The following NME7 variants were observed in gnomAD, a reference collection of about 807,000 sequenced individuals.
The protein encoded by NME7 is NME/NM23 family member 7.
In NME7, 41 loss-of-function variants were observed where a neutral mutation model predicts 49.1. That is an observed-to-expected ratio of 0.83 (90% CI 0.65 to 1.08). The LOEUF (loss-of-function observed/expected upper bound fraction) is 1.08, where lower values mean the gene tolerates loss of function less well. Ranked by LOEUF, NME7 falls within the 50% of genes least tolerant of loss-of-function variation. NME7 has a pLI of 0.00. For missense variants in NME7, 423 were observed against 463.4 expected (o/e 0.91, Z 0.80); for synonymous variants, 139 against 150.6 (o/e 0.92, Z 0.56).
chr1:169,231,911 T>C (rs548317205), intron 9 of NME7, among the ~76,000 whole-genome samples: 1 of 151,446 alleles, frequency 6.6e-6, no homozygotes, highest in African/African-American at 2.4e-5. Flanking sequence ...ATCTACCATG[T>C]AACAATGTAA....
chr1:169,309,874 G>T lies in NME7; in HGVS notation c.389+96C>A, dbSNP rs575361175. On this transcript the variant is annotated intron_variant, in intron 4 of 11. Transcript: ENST00000367811. ...TATTCTATTCTTTGTCATTCAATAC[G>T]AGGTTTTTTAATTTTAAACAATGAC... is the stretch of plus-strand genomic sequence containing the variant. 5 of 720,058 alleles carry T rather than the reference G, an allele frequency of 6.9e-6. No individual in the cohort carries two copies. In the East Asian group the frequency reaches 1.4e-4, roughly 21 times the overall value. The allele number at this position is 720,058 out of a possible 1,614,324, so 44.6% of individuals were successfully genotyped here.
intron 7 of NME7, among the ~76,000 whole-genome samples, chr1:169,251,627 G>T: frequency 2.2e-5 from 3 of 133,986 alleles, no homozygotes; most frequent in Admixed American, 8.1e-5. Context: ...AGTTACATAT[G>T]TATACATGTG....
At chr1:169,364,345 C>CT (rs1156906227) in intron 1 of NME7, among the ~76,000 whole-genome samples, 4 of 139,410 alleles carry the variant, frequency 2.9e-5, no homozygotes, top group Non-Finnish European at 6.3e-5. Flanking sequence ...ACCTCTTTTT[C>CT]TTTTTTTCTT....
At chr1:169,302,632 G>A (rs964898639) in intron 5 of NME7, among the ~76,000 whole-genome samples, 1 of 152,120 alleles carries the variant, frequency 6.6e-6, no homozygotes, top group Non-Finnish European at 1.5e-5. Context: ...AGGGAAGGGA[G>A]CAAGGGTTGA....
chr1:169,245,530 A>T (rs571413482), intron 7 of NME7, among the ~76,000 whole-genome samples: 1 of 152,362 alleles, frequency 6.6e-6, no homozygotes, highest in South Asian at 2.1e-4. Flanking sequence ...CTTGCAGTTT[A>T]TTTTGGAAAG....
intron 3 of NME7, among the ~76,000 whole-genome samples, chr1:169,318,664 A>G (rs1254979206): frequency 6.6e-6 from 1 of 152,200 alleles, no homozygotes; most frequent in Non-Finnish European, 1.5e-5. Context: ...AACGTTCAGG[A>G]AAAAGCTTAA....
At chr1:169,184,628 T>C (rs1660019044) in intron 10 of NME7, among the ~76,000 whole-genome samples, 1 of 152,224 alleles carries the variant, frequency 6.6e-6, no homozygotes, top group African/African-American at 2.4e-5. Context: ...TTTGTTGATC[T>C]CATTTGTTAA....
intron 11 of NME7, among the ~76,000 whole-genome samples, chr1:169,143,273 C>CTTTTTTTTTTTTTT (rs71299493): frequency 3.1e-5 from 3 of 98,178 alleles, no homozygotes; most frequent in Non-Finnish European, 6.3e-5. Flanking sequence ...TCACCTCAGG[C>CTTTTTTTTTTTTTT]TTTTTTTTTT....
chr1:169,276,884 T>C (rs1286323046), intron 7 of NME7, among the ~76,000 whole-genome samples: 1 of 148,878 alleles, frequency 6.7e-6, no homozygotes, highest in Non-Finnish European at 1.5e-5. Context: ...TCTGGTATGT[T>C]GTCTCTTTGT....
chr1:169,254,628 C>A (rs1267267292), intron 7 of NME7, among the ~76,000 whole-genome samples: 1 of 148,426 alleles, frequency 6.7e-6, no homozygotes, highest in Admixed American at 6.7e-5. Context: ...TTTGCTCTTG[C>A]TTTTCTAGTT....
At position 169,273,924 on chromosome 1, in the gene NME7, G is replaced by A. The variant is rs1362209766; in HGVS notation, c.754+13379C>T. 7.3e-4 allele frequency among the ~76,000 whole-genome samples: 95 copies of A among 129,552 alleles called. 21 individuals carry two copies. Among genetic ancestry groups the A allele is most frequent in the Non-Finnish European group, 1.3e-3 (72 of 55,228 alleles). 85.0% of individuals were successfully genotyped at this position (129,552 alleles called of 152,430 possible). On this transcript the variant is annotated intron_variant, in intron 7 of 11. Transcript: ENST00000367811. Reference sequence around the variant, plus strand: ...GTGAATAGTGCCGCAATAAACATACGTGTGCATGTGTCTTTATAGCAGCAT... The same window carrying A: ...GTGAATAGTGCCGCAATAAACATACATGTGCATGTGTCTTTATAGCAGCAT...
At chr1:169,224,561 G>T (rs1203761945) in intron 10 of NME7, among the ~76,000 whole-genome samples, 1 of 152,004 alleles carries the variant, frequency 6.6e-6, no homozygotes, top group Non-Finnish European at 1.5e-5. Flanking sequence ...TAACAGATCT[G>T]TAATATTTTA....
rs572115814 is a variant in NME7 at position 169,278,894 on chromosome 1, C to T, written c.754+8409G>A. Reference sequence around the variant, plus strand: ...ATGTTCTTTCTGTTTGTTAGTTTTCCTTCTAACAGACAGGACCCTCCGCTG... The same window carrying T: ...ATGTTCTTTCTGTTTGTTAGTTTTCTTTCTAACAGACAGGACCCTCCGCTG... On this transcript the variant is annotated intron_variant, in intron 7 of 11. Coordinates refer to ENST00000367811, the MANE Select transcript of NME7 (RefSeq NM_013330.5). Among the ~76,000 whole-genome samples the T allele has an allele frequency of 2.0e-3, 303 of 152,234 alleles. 4 individuals are homozygous for T. Among genetic ancestry groups the T allele is most frequent in the African/African-American group, 7.1e-3 (294 of 41,564 alleles).
At chr1:169,303,810 C>A (rs1419465129) in intron 4 of NME7, among the ~76,000 whole-genome samples, 5 of 152,088 alleles carry the variant, frequency 3.3e-5, no homozygotes, top group African/African-American at 1.2e-4. Flanking sequence ...AATATTTGAC[C>A]AGTGAGAATA....
At chr1:169,283,038 C>T (rs1650093777) in intron 7 of NME7, among the ~76,000 whole-genome samples, 1 of 152,062 alleles carries the variant, frequency 6.6e-6, no homozygotes. Flanking sequence ...CTAATATTGA[C>T]ACTGGGGTGT....
At position 169,262,891 on chromosome 1, in the gene NME7, T is replaced by C. The variant is rs1340114509; in HGVS notation, c.754+24412A>G. Among the ~76,000 whole-genome samples, 7 of 133,430 alleles carry C rather than the reference T, an allele frequency of 5.2e-5. 2 individuals are homozygous for C. The highest frequency in any genetic ancestry group is 1.8e-4 in the African/African-American group (7 of 39,422). 87.5% of individuals were successfully genotyped at this position (133,430 alleles called of 152,430 possible). A position where few individuals can be genotyped will look rare whatever the true frequency, so the allele number is the denominator to read the frequency against. On this transcript the variant is annotated intron_variant, in intron 7 of 11. Coordinates refer to ENST00000367811, the MANE Select transcript of NME7 (RefSeq NM_013330.5). ...GTAGATTAGGGCAACTTGGCTAGGA[T>C]AGGGCTTGTCACTCAACTGCAGCCC...
chr1:169,242,482 G>C (rs904321372), intron 7 of NME7, among the ~76,000 whole-genome samples: 5 of 151,934 alleles, frequency 3.3e-5, no homozygotes, highest in Non-Finnish European at 5.9e-5. Flanking sequence ...AATAGTGAAA[G>C]ACTGAATGCT....
intron 11 of NME7, among the ~76,000 whole-genome samples, chr1:169,147,596 T>C (rs1263020464): frequency 1.3e-5 from 2 of 151,068 alleles, no homozygotes; most frequent in Non-Finnish European, 2.9e-5. Context: ...TTAATATTCC[T>C]ACCATATACA....
At chr1:169,314,626 A>C (rs545145962) in intron 3 of NME7, among the ~76,000 whole-genome samples, 2 of 152,082 alleles carry the variant, frequency 1.3e-5, no homozygotes, top group Non-Finnish European at 2.9e-5. Flanking sequence ...TTATAAAAAA[A>C]TTTTTTTAAA....
Sources: allele counts gnomAD v4.1 joint callset (sites outside exome capture counted in the v4.1 genomes callset), GRCh38; gene constraint gnomAD v4.1.1; transcripts MANE v1.5; gene names NCBI Gene and HGNC (gene_info 2026-07-23, HGNC 2026-07-21).